Variants in SEH1L observed in about 807,000 individuals in gnomAD.
SEH1L encodes the protein SEH1 like nucleoporin.
In SEH1L, 18 loss-of-function variants were observed where a neutral mutation model predicts 49.5. That is an observed-to-expected ratio of 0.36 (90% CI 0.25 to 0.54). SEH1L has a LOEUF of 0.54. SEH1L is among the 20% of genes least tolerant of loss of function. The pLI is 0.87. For missense variants in SEH1L, 404 were observed against 528.8 expected, an observed-to-expected ratio of 0.76 and a Z score of 2.31; for synonymous variants, 169 against 178.1, an observed-to-expected ratio of 0.95 and a Z score of 0.41.
At chr18:12,986,244 C>T (rs961544768) in intron 8 of SEH1L, 3 of 985,074 alleles carry the variant, frequency 3.0e-6, no homozygotes, top group Non-Finnish European at 3.6e-6. Context: ...TAAGTATTAT[C>T]GGTAAGTTAC....
At position 12,948,056 on chromosome 18, in the gene SEH1L, G is replaced by A. The variant is rs1004493088; in HGVS notation, c.-66G>A. 2.4e-6 allele frequency: 3 copies of A among 1,257,832 alleles called. No individual in the cohort carries two copies. The highest frequency in any genetic ancestry group is 3.4e-6 in the Non-Finnish European group (3 of 881,248). The allele number at this position is 1,257,832 out of a possible 1,614,324, so 77.9% of individuals were successfully genotyped here. A position where few individuals can be genotyped will look rare whatever the true frequency, so the allele number is the denominator to read the frequency against. ...GGGCTGCGAGGTCTGGCTAGGCTAC[G>A]GGCCACGCGCCGCCGCCGCTGCCGC... On this transcript the variant is annotated 5_prime_UTR_variant, in exon 1 of 9. Coordinates refer to ENST00000399892, the MANE Select transcript of SEH1L (RefSeq NM_001013437.2).
In SEH1L at chr18:12,982,575, G is replaced by T. The variant is rs773834028; in HGVS notation, c.819G>T (p.Gln273His). 3.1e-6 allele frequency: 5 copies of T among 1,613,942 alleles called. No homozygotes were observed. In the Admixed American group the frequency reaches 8.3e-5, roughly 27 times the overall value. The change falls in exon 7 of 9, where the codon CAG becomes CAT. Residue 273 changes from glutamine (Q) to histidine (H), a missense_variant. Physicochemically the swap from Gln to His is conservative, Grantham distance 24. Around this residue, in one of 3 missense-constraint regions of SEH1L, gnomAD observed 342 missense variants for 430.8 expected, o/e 0.79. Transcript: ENST00000399892. ...PTKFEIHIVA[Q>H]FDNHNSQVWR... ...AGTTTGAAATCCATATAGTGGCTCAGTTCGATAATCATAATTCTCAGGTCT... is the reference window on the plus strand; with the variant it reads ...AGTTTGAAATCCATATAGTGGCTCATTTCGATAATCATAATTCTCAGGTCT...
intron 5 of SEH1L, 49 bp downstream of exon 5, chr18:12,971,300 TTTAAAA>T: frequency 8.5e-7 from 1 of 1,182,980 alleles, no homozygotes; most frequent in Middle Eastern, 1.9e-4. Flanking sequence ...CATTTAATTT[TTTAAAA>T]TGTTATTTCT....
chr18:12,978,689 G>A, intron 5 of SEH1L, 63 bp from the exon 6 acceptor site: 1 of 1,378,998 alleles, frequency 7.3e-7, no homozygotes, highest in Non-Finnish European at 1.0e-6. Flanking sequence ...GTGAGATGCA[G>A]TGATGTGTGG....
In SEH1L at chr18:12,984,087, G is replaced by A; in HGVS notation, c.967G>A (p.Gly323Arg). 3.1e-6 allele frequency: 5 copies of A among 1,613,792 alleles called. No individual in the cohort carries two copies. The highest frequency in any genetic ancestry group is 4.2e-6 in the Non-Finnish European group (5 of 1,179,682). ...GTGTACTGGTATTTTGAAAGGTAAT[G>A]GGAGCCCAGTCAATGGGAGTTCTCA... is the stretch of plus-strand genomic sequence containing the variant. ...WKCTGILKGN[G>R]SPVNGSSQQG... The change falls in exon 8 of 9, where the codon GGG (glycine) becomes AGG (arginine). Residue 323 changes from glycine to arginine, a missense_variant. This residue lies in a region of SEH1L where 342 missense variants were observed against 430.8 expected (regional missense o/e 0.79). Transcript: ENST00000399892.
intron 6 of SEH1L, among the ~76,000 whole-genome samples, chr18:12,981,849 C>CTTTTTTTTTTTTTTTTTTTTTT (rs1467685892): frequency 2.0e-5 from 2 of 102,504 alleles, no homozygotes; most frequent in African/African-American, 4.6e-5. Flanking sequence ...CTGCCCTGCC[C>CTTTTTTTTTTTTTTTTTTTTTT]ATTTTTTTTT....
chr18:12,981,856 T>A (rs988475558), intron 6 of SEH1L, among the ~76,000 whole-genome samples: 1 of 125,352 alleles, frequency 8.0e-6, no homozygotes, highest in African/African-American at 3.1e-5. Context: ...GCCCATTTTT[T>A]TTTTTTTTTT....
In SEH1L at chr18:12,971,236, A is replaced by G. The variant is rs765895395; in HGVS notation, c.605A>G (p.Tyr202Cys). Reference sequence around the variant, plus strand: ...ATGGCCAAGGTTCAGATTTTTGAATATAATGAAAACACCAGGTCAGTCCTG... The same window carrying G: ...ATGGCCAAGGTTCAGATTTTTGAATGTAATGAAAACACCAGGTCAGTCCTG... The part of the protein sequence containing the change: ...NAMAKVQIFE[Y>C]NENTRKYAKA... Residue 202 changes from tyrosine to cysteine, a missense_variant, in exon 5 of 9, where the codon TAT becomes TGT. Tyr to Cys is a radical substitution (Grantham distance 194, BLOSUM62 -2). This residue lies in a region of SEH1L where 342 missense variants were observed against 430.8 expected (regional missense o/e 0.79). Coordinates refer to ENST00000399892, the MANE Select transcript of SEH1L (RefSeq NM_001013437.2). The G allele has an allele frequency of 2.5e-6, 4 of 1,611,386 alleles. No individual in the cohort carries two copies. Among genetic ancestry groups the G allele is most frequent in the Admixed American group, 3.3e-5 (2 of 60,020 alleles).
At chr18:12,951,100 T>C (rs578171055) in intron 1 of SEH1L, among the ~76,000 whole-genome samples, 19 of 152,344 alleles carry the variant, frequency 1.2e-4, no homozygotes, top group African/African-American at 4.3e-4. Flanking sequence ...AAAGTCACAC[T>C]GGTTTTGCAG....
intron 3 of SEH1L, among the ~76,000 whole-genome samples, chr18:12,957,664 A>G (rs2030953253): frequency 6.6e-6 from 1 of 152,184 alleles, no homozygotes; most frequent in Non-Finnish European, 1.5e-5. Flanking sequence ...TTTTTGTAAT[A>G]GATAATCATG....
In SEH1L at chr18:12,982,439, G is replaced by GTA. The variant is rs919435883; in HGVS notation, c.762-69_762-68dup. ...TGTATTAATTTAGAATTTTACGTGTGTATATATATATGTGTGTGTATATAT... is the reference window on the plus strand; with the variant it reads ...TGTATTAATTTAGAATTTTACGTGTGTATATATATATATGTGTGTGTATATAT... On this transcript the variant is annotated intron_variant, in intron 6 of 8. Transcript: ENST00000399892. 232 of 978,310 alleles carry GTA rather than the reference G, an allele frequency of 2.4e-4. 1 individual carries two copies. Among genetic ancestry groups the GTA allele is most frequent in the Non-Finnish European group, 2.8e-4 (186 of 668,742 alleles). The allele number at this position is 978,310 out of a possible 1,614,324, so 60.6% of individuals were successfully genotyped here.
chr18:12,985,733 T>C (rs543076168), intron 8 of SEH1L: 7 of 952,296 alleles, frequency 7.4e-6, no homozygotes, highest in African/African-American at 5.3e-5. Flanking sequence ...TTTTGAGTGC[T>C]GATTTGTTTA....
chr18:12,979,057 C>T (rs62095802), intron 6 of SEH1L, among the ~76,000 whole-genome samples, 165 bp downstream of exon 6: 7,934 of 150,154 alleles, frequency 0.053, 314 homozygotes, highest in East Asian at 0.17. Context: ...TGGTCTTTTA[C>T]AGTTACTTTT....
Position 12,951,848 on chromosome 18 carries a change from C to A in SEH1L, c.112-7C>A, listed in dbSNP as rs368227577. On this transcript the variant is annotated splice_region_variant and splice_polypyrimidine_tract_variant and intron_variant, in intron 1 of 8. Transcript: ENST00000399892. Reference sequence around the variant, plus strand: ...GTATAAAATATCTGCCTTTTATTTTCTTATAGGTCTGGGATAAAAGTGAAA... The same window carrying A: ...GTATAAAATATCTGCCTTTTATTTTATTATAGGTCTGGGATAAAAGTGAAA... 1 of 1,547,922 alleles carries A rather than the reference C, an allele frequency of 6.5e-7. No homozygotes were observed. The highest frequency in any genetic ancestry group is 1.2e-5 in the South Asian group (1 of 85,152).
At chr18:12,985,403 G>A (rs966378215) in intron 8 of SEH1L, 27 of 1,364,290 alleles carry the variant, frequency 2.0e-5, no homozygotes, top group Non-Finnish European at 2.4e-5. Context: ...AATCCAAAAG[G>A]CCTTTAAAAA....
intron 1 of SEH1L, among the ~76,000 whole-genome samples, chr18:12,949,578 A>C (rs1364417070): frequency 2.1e-5 from 3 of 144,502 alleles, no homozygotes; most frequent in Non-Finnish European, 3.0e-5. Flanking sequence ...TCAGCCTCCC[A>C]AGTAGCTGGG....
intron 8 of SEH1L, chr18:12,985,251 G>A: frequency 6.2e-7 from 1 of 1,609,568 alleles, no homozygotes; most frequent in Non-Finnish European, 8.5e-7. Flanking sequence ...AAGCACAGCT[G>A]AGTACAAGCT....
chr18:12,984,298 C>A, intron 8 of SEH1L, 108 bp downstream of exon 8: 4 of 1,174,806 alleles, frequency 3.4e-6, no homozygotes, highest in Non-Finnish European at 4.9e-6. Flanking sequence ...TGGAAATGTT[C>A]ACATGTGCTT....
rs1467685892 is a variant in SEH1L at position 12,981,849 on chromosome 18, C to CTTTTTTTTTT, written c.762-669_762-668insTTTTTTTTTT. On this transcript the variant is annotated intron_variant, in intron 6 of 8. Transcript: ENST00000399892. ...ATTCTTTCCTACTTGCTGCCCTGCC[C>CTTTTTTTTTT]ATTTTTTTTTTTTTTTTTTTTTTTT... Among the ~76,000 whole-genome samples, 103 of 102,488 alleles carry CTTTTTTTTTT rather than the reference C, an allele frequency of 1.0e-3. 14 individuals carry two copies. The highest frequency in any genetic ancestry group is 3.7e-3 in the African/African-American group (81 of 21,694). 67.2% of individuals were successfully genotyped at this position (102,488 alleles called of 152,430 possible).
Sources: allele counts gnomAD v4.1 joint callset (sites outside exome capture counted in the v4.1 genomes callset), GRCh38; gene constraint gnomAD v4.1.1; regional missense constraint gnomAD v4.1.1; transcripts MANE v1.5; gene names NCBI Gene and HGNC (gene_info 2026-07-23, HGNC 2026-07-21).